Variants in CTCFL observed in about 807,000 individuals in gnomAD.
The protein encoded by CTCFL is CCCTC-binding factor like.
CTCFL carries 36 observed loss-of-function variants against 67.4 expected under a neutral mutation model. The observed-to-expected ratio is 0.53, with a 90% confidence interval of 0.41 to 0.71. The LOEUF (loss-of-function observed/expected upper bound fraction) is 0.71, where lower values mean the gene tolerates loss of function less well. CTCFL is among the 30% of genes least tolerant of loss of function. The pLI, the probability that CTCFL is intolerant of heterozygous loss-of-function variation, is 0.00. For missense variants in CTCFL, 786 were observed against 835.2 expected, an observed-to-expected ratio of 0.94 and a Z score of 0.73; for synonymous variants, 324 against 302.3, an observed-to-expected ratio of 1.07 and a Z score of -0.75.
At chr20:57,524,798 T>C in intron 1 of CTCFL, 1 of 980,860 alleles carries the variant, frequency 1.0e-6, no homozygotes, top group Non-Finnish European at 1.2e-6. Context: ...CCACCCAGAC[T>C]TGGCCAAGCA....
chr20:57,507,014 T>C lies in CTCFL; in HGVS notation c.1674+1592A>G. On this transcript the variant is annotated intron_variant, in intron 9 of 10. Coordinates refer to ENST00000243914, the MANE Select transcript of CTCFL (RefSeq NM_001386993.1). ...TAGTCAACTTCAGGAAATTCAACTT[T>C]TATAAAACTTTTATAAAGTTAGGCT... 4.1e-6 allele frequency: 4 copies of C among 985,448 alleles called. No individual in the cohort carries two copies. In the South Asian group the frequency reaches 1.9e-4, roughly 46 times the overall value. 61.0% of individuals were successfully genotyped at this position (985,448 alleles called of 1,614,324 possible).
At chr20:57,518,448 G>A in intron 5 of CTCFL, 1 of 1,185,954 alleles carries the variant, frequency 8.4e-7, no homozygotes, top group Non-Finnish European at 1.1e-6. Flanking sequence ...TGATTTTGTG[G>A]CCCAGAGTAC....
intron 1 of CTCFL, chr20:57,524,721 C>T: frequency 2.0e-6 from 2 of 997,834 alleles, no homozygotes; most frequent in Admixed American, 5.3e-5. Flanking sequence ...CAGGCATTCC[C>T]CTCGTGCACG....
At position 57,497,249 on chromosome 20, in the gene CTCFL, A is replaced by T; in HGVS notation, c.*1301T>A. ...AAAAAAATTAAGAAACCATTGCACA[A>T]ATTCAGTCACAATGATGGCATACTA... On this transcript the variant is annotated 3_prime_UTR_variant, in exon 11 of 11. Coordinates refer to ENST00000243914, the MANE Select transcript of CTCFL (RefSeq NM_001386993.1). 1 of 975,584 alleles carries T rather than the reference A, an allele frequency of 1.0e-6. No individual in the cohort carries two copies. The highest frequency in any genetic ancestry group is 1.2e-6 in the Non-Finnish European group (1 of 820,946). The allele number at this position is 975,584 out of a possible 1,614,324, so 60.4% of individuals were successfully genotyped here.
chr20:57,525,360 G>A (rs2069804594), upstream of CTCFL: 2 of 121,352 alleles, frequency 1.6e-5, no homozygotes, highest in Non-Finnish European at 3.5e-5. Context: ...GGCACTGGGA[G>A]ACCTGGGGTG....
At chr20:57,505,323 T>C (rs576508117) in intron 9 of CTCFL, among the ~76,000 whole-genome samples, 22 of 151,894 alleles carry the variant, frequency 1.4e-4, no homozygotes, top group Admixed American at 5.9e-4. Flanking sequence ...TGGCACGATC[T>C]CTGCTCACTG....
At chr20:57,507,189 T>A in intron 9 of CTCFL, 1 of 358,356 alleles carries the variant, frequency 2.8e-6, no homozygotes, top group Non-Finnish European at 4.0e-6. Flanking sequence ...GACTAGAATG[T>A]GCCACTTTTT....
At position 57,500,244 on chromosome 20, in the gene CTCFL, C is replaced by G. The variant is rs2146276706; in HGVS notation, c.1841-1543G>C. On this transcript the variant is annotated intron_variant, in intron 10 of 10. Coordinates refer to ENST00000243914, the MANE Select transcript of CTCFL (RefSeq NM_001386993.1). ...CTTTGGGAGGCCGAGGCGGGCAGAT[C>G]ACTTGAGGTCAGGAGTGAGAGACAT... 2.9e-6 allele frequency: 3 copies of G among 1,019,030 alleles called. No individual in the cohort carries two copies. In the South Asian group the frequency reaches 6.0e-5, roughly 20 times the overall value. The allele number at this position is 1,019,030 out of a possible 1,614,324, so 63.1% of individuals were successfully genotyped here. A position where few individuals can be genotyped will look rare whatever the true frequency, so the allele number is the denominator to read the frequency against.
rs576375971 is a variant in CTCFL at position 57,501,514 on chromosome 20, G to A, written c.1840+1922C>T. ...TCCTCCATTAAAAAATGTGAAAAAT[G>A]ATATTTTACAACATCATTGGTATAA... On this transcript the variant is annotated intron_variant, in intron 10 of 10. Transcript: ENST00000243914. Among the ~76,000 whole-genome samples the A allele has an allele frequency of 7.2e-5, 11 of 152,274 alleles. 1 individual carries two copies. The East Asian group carries it at 2.1e-3, about 29-fold the overall frequency.
In CTCFL at chr20:57,524,287, T is replaced by G. The variant is rs1600688426; in HGVS notation, c.-11-71A>C. 4.0e-6 allele frequency: 6 copies of G among 1,513,834 alleles called. No homozygotes were observed. In the South Asian group the frequency reaches 7.8e-5, roughly 20 times the overall value. 93.8% of individuals were successfully genotyped at this position (1,513,834 alleles called of 1,614,324 possible). A position where few individuals can be genotyped will look rare whatever the true frequency, so the allele number is the denominator to read the frequency against. ...GTGGTATGAGGAGGGATGCGGGGGG[T>G]GCTGGAACCTAGCAGGCTTTGGAGT... On this transcript the variant is annotated intron_variant, in intron 1 of 10. Coordinates refer to ENST00000243914, the MANE Select transcript of CTCFL (RefSeq NM_001386993.1).
chr20:57,512,172 C>T (rs2068607870), intron 8 of CTCFL, among the ~76,000 whole-genome samples: 1 of 152,184 alleles, frequency 6.6e-6, no homozygotes, highest in South Asian at 2.1e-4. Flanking sequence ...TCTTCAAGCA[C>T]ACTGTCATGT....
At position 57,520,030 on chromosome 20, in the gene CTCFL, C is replaced by CA. The variant is rs199978587; in HGVS notation, c.755-654dup. On this transcript the variant is annotated intron_variant, in intron 3 of 10. Transcript: ENST00000243914. ...GGCAGATAAAGACCATTTCCATCAG[C>CA]AAAAGAAGTTCTCTTGGATGATGCT... Among the ~76,000 whole-genome samples, 990 of 152,284 alleles carry CA rather than the reference C, an allele frequency of 6.5e-3. 16 individuals carry two copies. The highest frequency in any genetic ancestry group is 0.023 in the African/African-American group (939 of 41,550).
rs1336604085 is a variant in CTCFL, at chr20:57,519,497, T to C, written c.755-120A>G. The C allele has an allele frequency of 7.3e-6, 6 of 826,476 alleles. No homozygotes were observed. The East Asian group carries it at 1.5e-4, about 20-fold the overall frequency. The allele number at this position is 826,476 out of a possible 1,614,324, so 51.2% of individuals were successfully genotyped here. On this transcript the variant is annotated intron_variant, in intron 3 of 10. Transcript: ENST00000243914. ...GGGAACTGAACAATAGCACATGCTA[T>C]TTATATCCACAAGCTGATCGAAGCA...
In CTCFL at chr20:57,508,689, C is replaced by A; in HGVS notation, c.1591G>T (p.Ala531Ser). Residue 531 changes from alanine to serine, a missense_variant, in exon 9 of 11, where the codon GCT (alanine) becomes TCT (serine). This residue lies in a region of CTCFL where 199 missense variants were observed against 196.7 expected (regional missense o/e 1.01). Transcript: ENST00000243914. ...GCATCGTGGTATTTCCTGAAGTGAG[C>A]GTTTAGAAGTTGCTTCTGTCGGAAA... ...KCFRQKQLLN[A>S]HFRKYHDANF... is the part of the protein sequence containing the mutation. The A allele has an allele frequency of 1.2e-6, 2 of 1,614,046 alleles. No homozygotes were observed. The highest frequency in any genetic ancestry group is 1.7e-6 in the Non-Finnish European group (2 of 1,179,996).
chr20:57,505,587 C>T (rs1256598481), intron 9 of CTCFL, among the ~76,000 whole-genome samples: 1 of 152,212 alleles, frequency 6.6e-6, no homozygotes, highest in African/African-American at 2.4e-5. Context: ...TGTTTCTACT[C>T]TCTAAAGTGA....
intron 8 of CTCFL, among the ~76,000 whole-genome samples, chr20:57,512,112 A>G (rs2068604409): frequency 1.3e-5 from 2 of 152,210 alleles, no homozygotes; most frequent in Non-Finnish European, 1.5e-5. Context: ...GATTATTAAA[A>G]AGAAAGTATT....
chr20:57,502,440 G>C (rs920153392), intron 10 of CTCFL, among the ~76,000 whole-genome samples: 2 of 152,146 alleles, frequency 1.3e-5, no homozygotes, highest in African/African-American at 4.8e-5. Flanking sequence ...GATTGAGCTG[G>C]GCATCCTCTA....
At chr20:57,505,992 A>G (rs2068188748) in intron 9 of CTCFL, among the ~76,000 whole-genome samples, 1 of 152,234 alleles carries the variant, frequency 6.6e-6, no homozygotes. Flanking sequence ...AGAAGGAAGA[A>G]TTTACACATA....
At position 57,498,326 on chromosome 20, in the gene CTCFL, C is replaced by T. The variant is rs2067757559; in HGVS notation, c.*224G>A. On this transcript the variant is annotated 3_prime_UTR_variant, in exon 11 of 11. Coordinates refer to ENST00000243914, the MANE Select transcript of CTCFL (RefSeq NM_001386993.1). Reference sequence around the variant, plus strand: ...TCCAGCTACAAACAGGAGAACAATTCTAGACACTACCTCAAACTTGTGTCA... The same window carrying T: ...TCCAGCTACAAACAGGAGAACAATTTTAGACACTACCTCAAACTTGTGTCA... 7.9e-7 allele frequency: 1 copy of T among 1,268,054 alleles called. No homozygotes were observed. Among genetic ancestry groups the T allele is most frequent in the Admixed American group, 3.9e-5 (1 of 25,736 alleles). The allele number at this position is 1,268,054 out of a possible 1,614,324, so 78.6% of individuals were successfully genotyped here. A position where few individuals can be genotyped will look rare whatever the true frequency, so the allele number is the denominator to read the frequency against.
Sources: gnomAD v4.1 joint callset for allele counts (sites outside exome capture counted in the v4.1 genomes callset) on GRCh38, gnomAD v4.1.1 for gene constraint, gnomAD v4.1.1 regional missense constraint, MANE v1.5 for transcripts, NCBI Gene and HGNC (gene_info 2026-07-23, HGNC 2026-07-21) for gene names.